Variants in PEPD observed in about 807,000 individuals in gnomAD.
The protein encoded by PEPD is peptidase D, also known as xaa-Pro dipeptidase.
In PEPD, 53 loss-of-function variants were observed where a neutral mutation model predicts 60.7. That is an observed-to-expected ratio of 0.87 (90% CI 0.70 to 1.10). The LOEUF is 1.10. PEPD is among the 50% of genes least tolerant of loss of function. The pLI is 0.00. For synonymous variants in PEPD, 267 were observed against 284.1 expected (o/e 0.94, Z 0.60); for missense variants, 711 against 711.9 (o/e 1.00, Z 0.01).
intron 6 of PEPD, among the ~76,000 whole-genome samples, chr19:33,479,204 AGAAAAG>A (rs981007180): frequency 1.5e-4 from 23 of 152,332 alleles, no homozygotes; most frequent in African/African-American, 5.3e-4. Context: ...TAAAACATAC[AGAAAAG>A]GAAATGAGAA....
rs1021285595 is a variant in PEPD, at chr19:33,404,997, C to T, written c.819-3128G>A. On this transcript the variant is annotated intron_variant, in intron 11 of 14. Coordinates refer to ENST00000244137, the MANE Select transcript of PEPD (RefSeq NM_000285.4). Reference sequence around the variant, plus strand: ...GAATTCGGTCATACGTTGGCTCAATCGAGAACAGGCACGCAGGATCCCTCC... The same window carrying T: ...GAATTCGGTCATACGTTGGCTCAATTGAGAACAGGCACGCAGGATCCCTCC... Among the ~76,000 whole-genome samples the T allele has an allele frequency of 5.9e-5, 9 of 152,230 alleles. No homozygotes were observed. The South Asian group carries it at 1.0e-3, about 18-fold the overall frequency.
chr19:33,451,214 G>T (rs1384358795), intron 9 of PEPD, among the ~76,000 whole-genome samples: 3 of 152,164 alleles, frequency 2.0e-5, no homozygotes, highest in Non-Finnish European at 4.4e-5. Flanking sequence ...TCTTTCCTGG[G>T]TGAAGCCAAG....
intron 6 of PEPD, among the ~76,000 whole-genome samples, chr19:33,481,404 G>A (rs992677416): frequency 3.1e-4 from 45 of 144,568 alleles, no homozygotes; most frequent in Middle Eastern, 3.6e-3. Flanking sequence ...CCATCTCTAC[G>A]AAAATACAAA....
chr19:33,502,150 C>T (rs1970724608), intron 3 of PEPD, among the ~76,000 whole-genome samples: 1 of 152,198 alleles, frequency 6.6e-6, no homozygotes. Context: ...ACACAAACTG[C>T]ACAGGGGAGA....
intron 9 of PEPD, among the ~76,000 whole-genome samples, chr19:33,458,351 T>C (rs1370209476): frequency 6.7e-6 from 1 of 148,174 alleles, no homozygotes. Context: ...TAGGTGCATG[T>C]GGCATGAGAC....
rs772707771 is a variant in PEPD at position 33,391,373 on chromosome 19, G to A, written c.1074C>T (p.His358=). 3.1e-6 allele frequency: 5 copies of A among 1,607,956 alleles called. No individual in the cohort carries two copies. Among genetic ancestry groups the A allele is most frequent in the African/African-American group, 1.3e-5 (1 of 74,884 alleles). The change falls in exon 13 of 15, where the codon CAC becomes CAT. Residue 358 remains histidine, a synonymous_variant. Coordinates refer to ENST00000244137, the MANE Select transcript of PEPD (RefSeq NM_000285.4). Reference sequence around the variant, plus strand: ...CGTGAGGCATAAACACGGCCCCCAGGTGAGCCTGGACCATGGCGTCCACGC... The same window carrying A: ...CGTGAGGCATAAACACGGCCCCCAGATGAGCCTGGACCATGGCGTCCACGC... ...SGSVDAMVQA[H]LGAVFMPHGL... is the part of the protein sequence containing the mutation.
chr19:33,483,870 AG>A (rs1035760385), intron 6 of PEPD, among the ~76,000 whole-genome samples: 3 of 152,172 alleles, frequency 2.0e-5, no homozygotes, highest in African/African-American at 7.2e-5. Context: ...ATCTTAGGGA[AG>A]GATAGCACAC....
At chr19:33,427,762 G>C (rs112207524) in intron 9 of PEPD, among the ~76,000 whole-genome samples, 2 of 152,216 alleles carry the variant, frequency 1.3e-5, no homozygotes, top group African/African-American at 4.8e-5. Context: ...TACATTATAC[G>C]AAGCCAATAA....
rs779733771 is a variant in PEPD, at chr19:33,387,971, G to A, written c.1263C>T (p.Leu421=). The change falls in exon 14 of 15, where the codon CTC becomes CTT. Residue 421 remains leucine (L), a synonymous_variant. Transcript: ENST00000244137. Reference sequence around the variant, plus strand: ...CCGGGTCCGCCAGGGCCTCATCCAGGAGGTGGTCGATGAAGTAGATGCCCG... The same window carrying A: ...CCGGGTCCGCCAGGGCCTCATCCAGAAGGTGGTCGATGAAGTAGATGCCCG... The part of the protein sequence containing the change: ...VEPGIYFIDH[L]LDEALADPAR... 1 of 1,595,438 alleles carries A rather than the reference G, an allele frequency of 6.3e-7. No homozygotes were observed. Among genetic ancestry groups the A allele is most frequent in the South Asian group, 1.1e-5 (1 of 88,066 alleles).
chr19:33,401,684 C>G, intron 12 of PEPD, 37 bp downstream of exon 12: 1 of 1,588,058 alleles, frequency 6.3e-7, no homozygotes, highest in South Asian at 1.1e-5. Flanking sequence ...CCCAACGCCA[C>G]GTCAGATGCG....
intron 9 of PEPD, among the ~76,000 whole-genome samples, chr19:33,438,028 C>T (rs1431867703): frequency 1.3e-5 from 2 of 152,236 alleles, no homozygotes; most frequent in Non-Finnish European, 2.9e-5. Flanking sequence ...AACCGTGAAA[C>T]AGGAGCCGGT....
intron 3 of PEPD, among the ~76,000 whole-genome samples, chr19:33,502,860 T>C (rs1970736461): frequency 6.6e-6 from 1 of 151,620 alleles, no homozygotes; most frequent in Admixed American, 6.6e-5. Context: ...GTTGCTTCAT[T>C]CTTTCCTTTG....
intron 12 of PEPD, among the ~76,000 whole-genome samples, chr19:33,395,591 TCTC>T (rs972781195): frequency 1.3e-5 from 2 of 152,086 alleles, no homozygotes; most frequent in African/African-American, 4.8e-5. Context: ...GTCCACTTGG[TCTC>T]CTCAGGCAGC....
intron 9 of PEPD, among the ~76,000 whole-genome samples, chr19:33,453,080 G>C (rs7257083): frequency 6.6e-6 from 1 of 151,972 alleles, no homozygotes; most frequent in Admixed American, 6.5e-5. Context: ...CCGGCACTTC[G>C]GGAGGCCGTG....
intron 9 of PEPD, among the ~76,000 whole-genome samples, chr19:33,461,508 G>A (rs1373040737): frequency 6.6e-6 from 1 of 152,092 alleles, no homozygotes; most frequent in Non-Finnish European, 1.5e-5. Context: ...TGCAGCACGG[G>A]GCTCAAGCAG....
intron 12 of PEPD, among the ~76,000 whole-genome samples, chr19:33,395,886 G>A (rs1242823288): frequency 6.6e-6 from 1 of 152,194 alleles, no homozygotes; most frequent in Non-Finnish European, 1.5e-5. Flanking sequence ...GGCTGAGCTG[G>A]CACGGGGCTG....
intron 4 of PEPD, among the ~76,000 whole-genome samples, chr19:33,499,903 T>C (rs748720184): frequency 6.6e-6 from 1 of 152,198 alleles, no homozygotes; most frequent in Non-Finnish European, 1.5e-5. Context: ...CACAGCACTG[T>C]GTCTGGCCAT....
intron 9 of PEPD, among the ~76,000 whole-genome samples, chr19:33,459,984 T>C (rs1391723348): frequency 6.6e-6 from 1 of 152,138 alleles, no homozygotes; most frequent in African/African-American, 2.4e-5. Context: ...GCGGCTGGTT[T>C]CCTTTGAACC....
chr19:33,489,561 G>A (rs550498446), intron 6 of PEPD, among the ~76,000 whole-genome samples: 1 of 151,998 alleles, frequency 6.6e-6, no homozygotes, highest in Non-Finnish European at 1.5e-5. Context: ...TCCGGGAGAT[G>A]GAGGTTGCAG....
Sources: gnomAD v4.1 joint callset for allele counts (sites outside exome capture counted in the v4.1 genomes callset) on GRCh38, gnomAD v4.1.1 for gene constraint, MANE v1.5 for transcripts, NCBI Gene and HGNC (gene_info 2026-07-23, HGNC 2026-07-21) for gene names.